The following EFCAB8 variants were observed in gnomAD, a reference collection of about 807,000 sequenced individuals.
The protein encoded by EFCAB8 is EF-hand calcium binding domain 8, also known as EF-hand calcium-binding domain-containing protein 8.
EFCAB8 carries 100 observed loss-of-function variants against 116.3 expected under a neutral mutation model. The observed-to-expected ratio is 0.86, with a 90% confidence interval of 0.73 to 1.02. The LOEUF (loss-of-function observed/expected upper bound fraction) is 1.02. Ranked by LOEUF, EFCAB8 falls within the 50% of genes least tolerant of loss-of-function variation. The probability of loss-of-function intolerance (pLI) is 0.00; values close to 1 mark genes in which losing one functional copy is unlikely to be tolerated. For synonymous variants in EFCAB8, 558 were observed against 567.9 expected, an observed-to-expected ratio of 0.98 and a Z score of 0.25; for missense variants, 1,320 against 1,416.9, an observed-to-expected ratio of 0.93 and a Z score of 1.10.
intron 22 of EFCAB8, among the ~76,000 whole-genome samples, chr20:32,932,005 A>G (rs551292785): frequency 6.6e-6 from 1 of 152,298 alleles, no homozygotes; most frequent in East Asian, 1.9e-4. Context: ...GGAATCATGA[A>G]GGGGACTTCT....
intron 3 of EFCAB8, among the ~76,000 whole-genome samples, chr20:32,875,590 T>C (rs71337926): frequency 0.41 from 59,593 of 146,208 alleles, 14,263 homozygotes; most frequent in Non-Finnish European, 0.54. Context: ...CTGCAACCTC[T>C]GCCTCCTGAG....
Position 32,892,959 on chromosome 20 carries a change from G to A in EFCAB8, c.759-215G>A, listed in dbSNP as rs2001639. On this transcript the variant is annotated intron_variant, in intron 8 of 26. Transcript: ENST00000400522. ...GGGTTCAAGTGATTCTCCTGCCTCA[G>A]CCTCCTGAGTAGCTGGGATTACTGG... Among the ~76,000 whole-genome samples the A allele has an allele frequency of 2.4e-3, 362 of 151,712 alleles. 4 individuals carry two copies. Among genetic ancestry groups the A allele is most frequent in the Non-Finnish European group, 2.5e-3 (168 of 67,966 alleles).
rs1987243144 is a variant in EFCAB8 at position 32,917,470 on chromosome 20, G to A, written c.2026G>A (p.Ala676Thr). 1 of 1,546,556 alleles carries A rather than the reference G, an allele frequency of 6.5e-7. No homozygotes were observed. The highest frequency in any genetic ancestry group is 2.5e-5 in the East Asian group (1 of 40,572). Residue 676 changes from alanine (A) to threonine (T), a missense_variant, in exon 18 of 27, where the codon GCC becomes ACC. Physicochemically the swap from Ala to Thr is moderately conservative, Grantham distance 58. Transcript: ENST00000400522. ...ACTCAAGCCCATCTTCAACTTCAAT[G>A]CCTCTAGGAGCCCCTCGCCCTTGCA... ...GTLKPIFNFN[A>T]SRSPSPLQPK...
At chr20:32,948,854 C>T (rs1309831039) in intron 23 of EFCAB8, among the ~76,000 whole-genome samples, 2 of 152,144 alleles carry the variant, frequency 1.3e-5, no homozygotes, top group African/African-American at 2.4e-5. Flanking sequence ...AAAACTTTCT[C>T]AACCTGAGGA....
chr20:32,907,183 G>GCCCA, intron 13 of EFCAB8, 189 bp downstream of exon 13: 2 of 931,362 alleles, frequency 2.1e-6, no homozygotes, highest in Non-Finnish European at 2.6e-6. Context: ...TTCCCAGGTA[G>GCCCA]CCCAGCCTGG....
chr20:32,943,580 A>G (rs1988472426), intron 22 of EFCAB8, 56 bp from the exon 23 acceptor site: 2 of 416,564 alleles, frequency 4.8e-6, no homozygotes, highest in African/African-American at 4.1e-5. Context: ...GGTGCCTTCT[A>G]ATTAGCCTGT....
intron 12 of EFCAB8, 24 bp downstream of exon 12, chr20:32,906,653 G>C (rs1312733580): frequency 1.4e-6 from 1 of 717,934 alleles, no homozygotes; most frequent in Non-Finnish European, 2.6e-6. Flanking sequence ...ATGTCACCCA[G>C]AAGCTGCTGG....
chr20:32,914,361 C>G (rs1268811888), intron 17 of EFCAB8, among the ~76,000 whole-genome samples: 4 of 152,258 alleles, frequency 2.6e-5, no homozygotes, highest in African/African-American at 7.2e-5. Context: ...CTCTGAGTTG[C>G]CTTCAGGGTC....
Position 32,902,140 on chromosome 20 carries a change from A to G in EFCAB8, c.1088+3517A>G, listed in dbSNP as rs1022554192. ...AAGTACCTCAGAGTATCTTCTTACAATATTTGGAACTAGATATAAGCACGG... is the reference window on the plus strand; with the variant it reads ...AAGTACCTCAGAGTATCTTCTTACAGTATTTGGAACTAGATATAAGCACGG... On this transcript the variant is annotated intron_variant, in intron 11 of 26. Coordinates refer to ENST00000400522, the MANE Select transcript of EFCAB8 (RefSeq NM_001143967.2). 2.0e-5 allele frequency among the ~76,000 whole-genome samples: 3 copies of G among 152,182 alleles called. No individual in the cohort carries two copies. In the East Asian group the frequency reaches 5.8e-4, roughly 29 times the overall value.
intron 10 of EFCAB8, 150 bp from the exon 11 acceptor site, chr20:32,898,343 G>A: frequency 1.7e-6 from 1 of 579,902 alleles, no homozygotes; most frequent in Non-Finnish European, 3.1e-6. Context: ...AGGATTGCGG[G>A]GCCACATCAC....
At chr20:32,935,192 CT>C (rs753039647) in intron 22 of EFCAB8, among the ~76,000 whole-genome samples, 51 of 34,046 alleles carry the variant, frequency 1.5e-3, no homozygotes, top group East Asian at 0.01. Flanking sequence ...TTCTTTCTTT[CT>C]TTTTTTTTTT....
chr20:32,905,015 C>T (rs948061364), intron 11 of EFCAB8, among the ~76,000 whole-genome samples: 4 of 152,148 alleles, frequency 2.6e-5, no homozygotes, highest in Non-Finnish European at 5.9e-5. Flanking sequence ...AGAGCATCTG[C>T]GGTTCTTAGG....
intron 19 of EFCAB8, 117 bp downstream of exon 19, chr20:32,918,691 C>T (rs898844291): frequency 6.4e-5 from 63 of 992,052 alleles, no homozygotes; most frequent in Non-Finnish European, 9.0e-5. Flanking sequence ...GCCTTTAGGT[C>T]CCTCAACTCA....
chr20:32,935,452 G>C (rs917205323), intron 22 of EFCAB8, among the ~76,000 whole-genome samples: 5 of 148,188 alleles, frequency 3.4e-5, no homozygotes, highest in African/African-American at 5.0e-5. Context: ...TGCCCGCCTT[G>C]GCCTCCCAAA....
intron 1 of EFCAB8, 100 bp from the exon 2 acceptor site, chr20:32,863,683 C>T (rs1162074665): frequency 1.2e-5 from 14 of 1,212,190 alleles, no homozygotes; most frequent in Non-Finnish European, 1.5e-5. Context: ...TCTCCCTTGA[C>T]CTTGACTTCT....
At chr20:32,952,097 C>T (rs985612263) in intron 23 of EFCAB8, among the ~76,000 whole-genome samples, 1 of 150,070 alleles carries the variant, frequency 6.7e-6, no homozygotes, top group Non-Finnish European at 1.5e-5. Context: ...CTTGTTTCTA[C>T]AAAAAAAAAT....
intron 17 of EFCAB8, among the ~76,000 whole-genome samples, chr20:32,915,672 C>CTTTTT (rs34915357): frequency 6.8e-4 from 97 of 141,788 alleles, no homozygotes; most frequent in Middle Eastern, 3.7e-3. Context: ...CTATTACCTA[C>CTTTTT]TTTTTTTTTT....
rs116444857 is a variant in EFCAB8 at position 32,912,918 on chromosome 20, C to T, written c.1856+54C>T. 4.8e-3 allele frequency: 3,383 copies of T among 702,148 alleles called. 41 individuals carry two copies. The highest frequency in any genetic ancestry group is 0.04 in the Middle Eastern group (175 of 4,324). 43.5% of individuals were successfully genotyped at this position (702,148 alleles called of 1,614,324 possible). A position where few individuals can be genotyped will look rare whatever the true frequency, so the allele number is the denominator to read the frequency against. Reference sequence around the variant, plus strand: ...GTTCCAGTAGCTGCGTGTTCTCTCTCCAGATGGGTTCCTCCATTCCTGGCT... The same window carrying T: ...GTTCCAGTAGCTGCGTGTTCTCTCTTCAGATGGGTTCCTCCATTCCTGGCT... On this transcript the variant is annotated intron_variant, in intron 17 of 26. Transcript: ENST00000400522.
intron 4 of EFCAB8, among the ~76,000 whole-genome samples, chr20:32,877,917 C>T (rs917633964): frequency 7.9e-5 from 12 of 152,062 alleles, no homozygotes; most frequent in Admixed American, 2.6e-4. Context: ...CTCAGGACGG[C>T]GAGGGAGACG....
Sources: allele counts gnomAD v4.1 joint callset (sites outside exome capture counted in the v4.1 genomes callset), GRCh38; gene constraint gnomAD v4.1.1; transcripts MANE v1.5; gene names NCBI Gene and HGNC (gene_info 2026-07-23, HGNC 2026-07-21).